Variants in EPAS1 observed in about 807,000 individuals in gnomAD.
The protein encoded by EPAS1 is endothelial PAS domain protein 1.
EPAS1 carries 23 observed loss-of-function variants against 87.9 expected under a neutral mutation model. The ratio of observed to expected loss-of-function variants is 0.26; its 90% confidence interval spans 0.19 to 0.37. The LOEUF (loss-of-function observed/expected upper bound fraction) is 0.37, where lower values mean the gene tolerates loss of function less well. Among genes scored for constraint, EPAS1 ranks in the 10% least tolerant of loss-of-function variants. EPAS1 has a pLI of 1.00. For synonymous variants in EPAS1, 508 were observed against 444.3 expected (o/e 1.14, Z -1.80); for missense variants, 1,138 against 1,120.7 (o/e 1.02, Z -0.22).
At chr2:46,367,395 C>G (rs549235899) in intron 6 of EPAS1, among the ~76,000 whole-genome samples, 2 of 152,360 alleles carry the variant, frequency 1.3e-5, no homozygotes, top group South Asian at 4.1e-4. Context: ...AGTCAGTGAG[C>G]CTGCAGATGG....
intron 1 of EPAS1, among the ~76,000 whole-genome samples, chr2:46,315,923 A>C (rs1683306276): frequency 6.6e-6 from 1 of 152,252 alleles, no homozygotes; most frequent in Non-Finnish European, 1.5e-5. Flanking sequence ...AAAGTTGCTA[A>C]GTTGTTTTCT....
intron 2 of EPAS1, among the ~76,000 whole-genome samples, chr2:46,351,088 C>T (rs1684135595): frequency 6.6e-6 from 1 of 152,210 alleles, no homozygotes; most frequent in African/African-American, 2.4e-5. Flanking sequence ...CTCCTACCTC[C>T]ACCCCTTTGT....
intron 1 of EPAS1, among the ~76,000 whole-genome samples, chr2:46,341,538 C>T (rs901601661): frequency 2.0e-5 from 3 of 152,220 alleles, no homozygotes; most frequent in Non-Finnish European, 4.4e-5. Context: ...TCTCCCTCTT[C>T]CTATTAGCCA....
chr2:46,381,667 T>C lies in EPAS1; in HGVS notation c.2117T>C (p.Leu706Pro). 6.2e-7 allele frequency: 1 copy of C among 1,613,958 alleles called. No homozygotes were observed. The highest frequency in any genetic ancestry group is 1.7e-5 in the Admixed American group (1 of 60,030). The change falls in exon 13 of 16, where the codon CTG (leucine) becomes CCG (proline). Residue 706 changes from leucine to proline, a missense_variant. This residue lies in a region of EPAS1 where 502 missense variants were observed against 427.1 expected (regional missense o/e 1.18). Coordinates refer to ENST00000263734, the MANE Select transcript of EPAS1 (RefSeq NM_001430.5). The stretch of plus-strand genomic sequence containing the variant: ...GCCATGGTAGCCCTCTCCAACAAGC[T>C]GAAGCTGAAGCGACAGCTGGAGTAT... The part of the protein sequence containing the change: ...SPAMVALSNK[L>P]KLKRQLEYEE...
At chr2:46,353,762 C>T (rs753233758) in intron 2 of EPAS1, among the ~76,000 whole-genome samples, 11 of 152,290 alleles carry the variant, frequency 7.2e-5, no homozygotes, top group East Asian at 1.9e-4. Flanking sequence ...ATCAGGTGTG[C>T]GTATGTGTAT....
intron 1 of EPAS1, among the ~76,000 whole-genome samples, chr2:46,318,207 C>A (rs1018768361): frequency 7.6e-6 from 1 of 131,546 alleles, no homozygotes; most frequent in Admixed American, 8.1e-5. Flanking sequence ...CAAACACACA[C>A]ACGCACACAG....
chr2:46,359,723 C>T (rs145809196), intron 4 of EPAS1, among the ~76,000 whole-genome samples: 89 of 152,118 alleles, frequency 5.9e-4, no homozygotes, highest in African/African-American at 1.9e-3. Flanking sequence ...TGTGACTATT[C>T]GAAACAAGGC....
intron 1 of EPAS1, among the ~76,000 whole-genome samples, chr2:46,337,184 G>T (rs1023761969): frequency 6.6e-6 from 1 of 152,184 alleles, no homozygotes; most frequent in Non-Finnish European, 1.5e-5. Flanking sequence ...CAGGTGTGGG[G>T]TTCTTTCCCT....
chr2:46,319,990 G>A (rs1369926840), intron 1 of EPAS1, among the ~76,000 whole-genome samples: 1 of 152,198 alleles, frequency 6.6e-6, no homozygotes, highest in Admixed American at 6.5e-5. Context: ...GGCAGAATGC[G>A]AGGATTTTTG....
chr2:46,381,200 C>T (rs1684882531), intron 12 of EPAS1: 1 of 363,404 alleles, frequency 2.8e-6, no homozygotes, highest in Non-Finnish European at 5.3e-6. Flanking sequence ...GCTGCGAGCT[C>T]ACTGGGCTAA....
At chr2:46,378,600 T>C in intron 10 of EPAS1, 57 bp from the exon 11 acceptor site, 1 of 1,474,424 alleles carries the variant, frequency 6.8e-7, no homozygotes, top group Non-Finnish European at 9.5e-7. Flanking sequence ...CATGCTGGAC[T>C]TCTGGGGAGA....
intron 1 of EPAS1, among the ~76,000 whole-genome samples, chr2:46,316,477 T>C (rs994698610): frequency 6.6e-6 from 1 of 152,218 alleles, no homozygotes; most frequent in African/African-American, 2.4e-5. Flanking sequence ...GCCAGGCTGG[T>C]CTCGAACTAC....
intron 2 of EPAS1, among the ~76,000 whole-genome samples, chr2:46,349,275 C>A (rs1684096825): frequency 6.6e-6 from 1 of 152,190 alleles, no homozygotes; most frequent in African/African-American, 2.4e-5. Context: ...TGCATGCTTG[C>A]CCTCCTGAGC....
intron 2 of EPAS1, 24 bp from the exon 3 acceptor site, chr2:46,356,127 T>TGGGGGGGGGGGGGGC: frequency 1.4e-6 from 2 of 1,395,472 alleles, no homozygotes; most frequent in Non-Finnish European, 2.0e-6. Context: ...TCATGCAAGC[T>TGGGGGGGGGGGGGGC]GTCCCACCCC....
intron 7 of EPAS1, among the ~76,000 whole-genome samples, chr2:46,372,523 C>T (rs1684648179): frequency 6.6e-6 from 1 of 152,200 alleles, no homozygotes; most frequent in Non-Finnish European, 1.5e-5. Flanking sequence ...GCTGTAATTT[C>T]CAAATGGATT....
At position 46,381,783 on chromosome 2, in the gene EPAS1, T is replaced by C. The variant is rs1038742222; in HGVS notation, c.2172+61T>C. 97 of 1,607,308 alleles carry C rather than the reference T, an allele frequency of 6.0e-5. No individual in the cohort carries two copies. In the African/African-American group the frequency reaches 1.1e-3, roughly 18 times the overall value. ...TAGCCCTTAGGGAACCCAGGGCTGC[T>C]GAGAGGGGTGGGGATGTGGCCCTTC... On this transcript the variant is annotated intron_variant, in intron 13 of 15. Transcript: ENST00000263734.
intron 1 of EPAS1, among the ~76,000 whole-genome samples, chr2:46,329,469 T>A: frequency 6.6e-6 from 1 of 152,186 alleles, no homozygotes; most frequent in East Asian, 1.9e-4. Context: ...GATAAGCTCT[T>A]TTCCCCTTGG....
intron 1 of EPAS1, among the ~76,000 whole-genome samples, chr2:46,317,521 A>T (rs992382679): frequency 6.6e-6 from 1 of 152,212 alleles, no homozygotes; most frequent in African/African-American, 2.4e-5. Flanking sequence ...TGTTCCACTG[A>T]TAGAGCACCA....
intron 1 of EPAS1, among the ~76,000 whole-genome samples, chr2:46,334,493 T>G (rs570833656): frequency 3.3e-5 from 5 of 152,078 alleles, no homozygotes; most frequent in Admixed American, 6.6e-5. Flanking sequence ...CTGCTCTTCT[T>G]TCAAAGCCAA....
Sources: allele counts gnomAD v4.1 joint callset (sites outside exome capture counted in the v4.1 genomes callset), GRCh38; gene constraint gnomAD v4.1.1; regional missense constraint gnomAD v4.1.1; transcripts MANE v1.5; gene names NCBI Gene and HGNC (gene_info 2026-07-23, HGNC 2026-07-21).